The following ACOXL variants were observed in gnomAD, a reference collection of about 807,000 sequenced individuals.
The protein encoded by ACOXL is acyl-coenzyme A oxidase-like protein.
A neutral mutation model predicts 71.9 loss-of-function variants in ACOXL; 70 were observed. The ratio of observed to expected loss-of-function variants is 0.97; its 90% confidence interval spans 0.80 to 1.19. ACOXL has a LOEUF of 1.19. Among genes scored for constraint, ACOXL ranks in the 50% most tolerant of loss-of-function variants. The probability of loss-of-function intolerance (pLI) is 0.00; values close to 1 mark genes in which losing one functional copy is unlikely to be tolerated. For synonymous variants in ACOXL, 253 were observed against 281.6 expected, an observed-to-expected ratio of 0.90 and a Z score of 1.02; for missense variants, 703 against 736.3, an observed-to-expected ratio of 0.95 and a Z score of 0.52.
intron 17 of ACOXL, among the ~76,000 whole-genome samples, chr2:111,115,987 C>G (rs2070326919): frequency 6.6e-6 from 1 of 152,182 alleles, no homozygotes. Context: ...AGATAAAACC[C>G]ATACTCTATT....
intron 10 of ACOXL, among the ~76,000 whole-genome samples, chr2:110,870,346 T>A (rs1695124581): frequency 6.6e-6 from 1 of 152,042 alleles, no homozygotes; most frequent in Non-Finnish European, 1.5e-5. Context: ...TAGACTTTTT[T>A]TTTTTTTTAA....
chr2:111,067,433 C>T (rs1017277403), intron 16 of ACOXL, among the ~76,000 whole-genome samples: 2 of 151,980 alleles, frequency 1.3e-5, no homozygotes, highest in African/African-American at 4.8e-5. Context: ...AACACAAATA[C>T]ATTAGAAAAC....
chr2:110,801,209 T>C (rs1685949605), intron 7 of ACOXL, among the ~76,000 whole-genome samples: 1 of 152,208 alleles, frequency 6.6e-6, no homozygotes, highest in Non-Finnish European at 1.5e-5. Flanking sequence ...CAGTTTGCCC[T>C]GTGTGCAGAC....
intron 10 of ACOXL, among the ~76,000 whole-genome samples, chr2:110,859,700 G>A (rs1693709447): frequency 1.3e-5 from 2 of 152,194 alleles, no homozygotes; most frequent in South Asian, 4.1e-4. Context: ...AAGAGGGTTG[G>A]ATGGCAGACA....
intron 17 of ACOXL, among the ~76,000 whole-genome samples, chr2:111,105,143 C>T (rs776566614): frequency 4.6e-5 from 7 of 152,006 alleles, no homozygotes; most frequent in Non-Finnish European, 8.8e-5. Flanking sequence ...ATTAGTTGGT[C>T]GTATTTGTAT....
intron 10 of ACOXL, among the ~76,000 whole-genome samples, chr2:110,900,906 A>G (rs35308843): frequency 0.05 from 7,584 of 152,298 alleles, 282 homozygotes; most frequent in South Asian, 0.18. Context: ...CAATGGAAAT[A>G]CAGAGCCAGG....
At chr2:110,765,598 C>T (rs1248846611) in intron 1 of ACOXL, among the ~76,000 whole-genome samples, 1 of 152,082 alleles carries the variant, frequency 6.6e-6, no homozygotes, top group African/African-American at 2.4e-5. Flanking sequence ...ATTCTGGAGG[C>T]TGGGAAGTCC....
intron 16 of ACOXL, among the ~76,000 whole-genome samples, chr2:111,056,681 A>G (rs1046573263): frequency 6.0e-5 from 9 of 150,602 alleles, no homozygotes; most frequent in African/African-American, 2.2e-4. Flanking sequence ...CCAGCTACTC[A>G]GGAGGCTGAG....
intron 1 of ACOXL, among the ~76,000 whole-genome samples, chr2:110,757,444 T>C (rs1679844650): frequency 6.6e-6 from 1 of 152,206 alleles, no homozygotes; most frequent in Non-Finnish European, 1.5e-5. Flanking sequence ...TCAATTGGTA[T>C]TTCTGCATCT....
intron 10 of ACOXL, among the ~76,000 whole-genome samples, chr2:110,847,084 G>T (rs1371591156): frequency 6.6e-6 from 1 of 152,020 alleles, no homozygotes; most frequent in Non-Finnish European, 1.5e-5. Flanking sequence ...TCCACACAGT[G>T]GTGACAGCTG....
intron 12 of ACOXL, among the ~76,000 whole-genome samples, chr2:110,974,079 C>A (rs1177143180): frequency 6.6e-6 from 1 of 152,224 alleles, no homozygotes; most frequent in Non-Finnish European, 1.5e-5. Context: ...GGAGGTTGTG[C>A]TGGCTGCCTG....
At chr2:111,094,668 GCA>G (rs1281329027) in intron 17 of ACOXL, among the ~76,000 whole-genome samples, 2 of 152,176 alleles carry the variant, frequency 1.3e-5, no homozygotes, top group African/African-American at 4.8e-5. Flanking sequence ...CATCACTGTT[GCA>G]TTGGGGATTA....
chr2:111,050,308 C>A (rs376588725), intron 16 of ACOXL, among the ~76,000 whole-genome samples: 1 of 151,828 alleles, frequency 6.6e-6, no homozygotes, highest in East Asian at 1.9e-4. Flanking sequence ...AATAAAGAAG[C>A]GCTGCTCATA....
At chr2:110,961,832 C>T (rs1233943776) in intron 12 of ACOXL, among the ~76,000 whole-genome samples, 1 of 152,166 alleles carries the variant, frequency 6.6e-6, no homozygotes, top group East Asian at 1.9e-4. Context: ...AGGGCACGTG[C>T]AGGGGAACTA....
intron 17 of ACOXL, among the ~76,000 whole-genome samples, chr2:111,104,939 C>G (rs188311585): frequency 2.2e-3 from 340 of 152,156 alleles, no homozygotes; most frequent in African/African-American, 7.9e-3. Context: ...TGGGCTTTAT[C>G]TAAAAATTTT....
chr2:110,847,351 T>C (rs992533844), intron 10 of ACOXL, among the ~76,000 whole-genome samples: 1 of 152,198 alleles, frequency 6.6e-6, no homozygotes, highest in Non-Finnish European at 1.5e-5. Flanking sequence ...GGCTCTCACT[T>C]GTCTGATACT....
intron 9 of ACOXL, among the ~76,000 whole-genome samples, chr2:110,811,777 A>ACG (rs1158836536): frequency 3.4e-4 from 50 of 148,016 alleles, no homozygotes; most frequent in African/African-American, 1.3e-3. Flanking sequence ...ACACACACAC[A>ACG]CACACACACG....
intron 9 of ACOXL, among the ~76,000 whole-genome samples, chr2:110,816,231 GATGGATGGATGA>G (rs1271553232): frequency 1.3e-5 from 2 of 151,916 alleles, no homozygotes; most frequent in Non-Finnish European, 2.9e-5. Flanking sequence ...TGGATGGATG[GATGGATGGATGA>G]ATGGATGGAT....
chr2:110,779,803 C>T (rs1345730124), intron 2 of ACOXL, among the ~76,000 whole-genome samples: 2 of 152,178 alleles, frequency 1.3e-5, no homozygotes, highest in African/African-American at 4.8e-5. Flanking sequence ...ACACACAAAA[C>T]TAATTTGAGA....
Sources: allele counts gnomAD v4.1 joint callset (sites outside exome capture counted in the v4.1 genomes callset), GRCh38; gene constraint gnomAD v4.1.1; transcripts MANE v1.5; gene names NCBI Gene and HGNC (gene_info 2026-07-23, HGNC 2026-07-21).